KCNT1: variants seen among roughly 807,000 people sequenced by gnomAD.
KCNT1 encodes potassium sodium-activated channel subfamily T member 1, also known as potassium channel subfamily T member 1.
In KCNT1, 78 loss-of-function variants were observed where a neutral mutation model predicts 147.8. That is an observed-to-expected ratio of 0.53 (90% CI 0.44 to 0.64). The LOEUF is 0.64. KCNT1 is among the 30% of genes least tolerant of loss of function. KCNT1 has a pLI of 0.00. For synonymous variants in KCNT1, 867 were observed against 748.8 expected, an observed-to-expected ratio of 1.16 and a Z score of -2.58; for missense variants, 1,419 against 1,750.3, an observed-to-expected ratio of 0.81 and a Z score of 3.38.
chr9:135,778,908 C>T (rs1833377754), intron 23 of KCNT1, 86 bp downstream of exon 23: 1 of 1,498,322 alleles, frequency 6.7e-7, no homozygotes, highest in African/African-American at 1.4e-5. Context: ...CAGCCACGAC[C>T]ACGGGCCCTC....
intron 2 of KCNT1, among the ~76,000 whole-genome samples, chr9:135,716,540 C>T (rs188636089): frequency 1.3e-4 from 20 of 152,320 alleles, no homozygotes; most frequent in African/African-American, 2.9e-4. Flanking sequence ...CACTGTAATT[C>T]GAGAACATTT....
Position 135,721,733 on chromosome 9 carries a change from A to G in KCNT1, c.254+7013A>G, listed in dbSNP as rs192652170. 4.1e-3 allele frequency among the ~76,000 whole-genome samples: 619 copies of G among 152,318 alleles called. 23 individuals are homozygous for G. The highest frequency in any genetic ancestry group is 7.2e-4 in the Non-Finnish European group (49 of 68,032). ...ACGGTGTCCTGAGTGAGTGAAATGC[A>G]TGTCATGATTTCTCCAGTCCCTTTC... On this transcript the variant is annotated intron_variant, in intron 2 of 30. Coordinates refer to ENST00000371757, the MANE Select transcript of KCNT1 (RefSeq NM_020822.3).
At chr9:135,734,027 C>T (rs1344437472) in intron 2 of KCNT1, among the ~76,000 whole-genome samples, 1 of 152,096 alleles carries the variant, frequency 6.6e-6, no homozygotes, top group Non-Finnish European at 1.5e-5. Context: ...GGTCCCCTGT[C>T]CTCTGTCCAG....
At chr9:135,758,707 G>A (rs766346611) in intron 10 of KCNT1, among the ~76,000 whole-genome samples, 199 bp downstream of exon 10, 3 of 152,214 alleles carry the variant, frequency 2.0e-5, no homozygotes, top group Non-Finnish European at 4.4e-5. Flanking sequence ...CCCAGTACAC[G>A]AGCAGCCCTG....
At chr9:135,750,420 G>A (rs941042187) in intron 3 of KCNT1, 24 of 565,960 alleles carry the variant, frequency 4.2e-5, no homozygotes, top group African/African-American at 5.6e-5. Flanking sequence ...AGCGGGACTC[G>A]TGGGGACACC....
At chr9:135,709,070 T>G (rs151083760) in intron 1 of KCNT1, among the ~76,000 whole-genome samples, 70 of 152,290 alleles carry the variant, frequency 4.6e-4, no homozygotes, top group African/African-American at 1.4e-3. Flanking sequence ...GCACAATGGG[T>G]GAGACGCTGC....
At chr9:135,747,482 G>GC (rs1320201587) in intron 2 of KCNT1, among the ~76,000 whole-genome samples, 7 of 152,098 alleles carry the variant, frequency 4.6e-5, no homozygotes, top group Non-Finnish European at 7.4e-5. Context: ...AGCCCTGCCT[G>GC]CCCCCCTGAC....
chr9:135,737,643 A>G (rs1257253056), intron 2 of KCNT1, among the ~76,000 whole-genome samples: 1 of 152,128 alleles, frequency 6.6e-6, no homozygotes, highest in Non-Finnish European at 1.5e-5. Context: ...GGGGCCTTCC[A>G]GGTAGCGGAA....
chr9:135,777,536 C>G, intron 21 of KCNT1, 26 bp downstream of exon 21: 1 of 1,600,420 alleles, frequency 6.2e-7, no homozygotes, highest in Non-Finnish European at 8.5e-7. Flanking sequence ...CTCAGCCCAC[C>G]CCGCCCACCC....
chr9:135,754,064 C>T (rs1831343448), intron 5 of KCNT1, 71 bp downstream of exon 5: 2 of 1,301,290 alleles, frequency 1.5e-6, no homozygotes, highest in Non-Finnish European at 2.2e-6. Context: ...TGGGATGAGT[C>T]TCCACTCCAG....
chr9:135,751,034 A>G lies in KCNT1; in HGVS notation c.427A>G (p.Ile143Val). Reference protein sequence around the residue: ...RVLLDDPALGIGCWGCPKQNY... With the variant: ...RVLLDDPALGVGCWGCPKQNY... ...CCTGCTCGATGACCCGGCCCTGGGC[A>G]TCGGATGGTGGGCCACGTGCGCGGC... The change falls in exon 4 of 31, where the codon ATC becomes GTC. Residue 143 changes from isoleucine (I) to valine (V), a missense_variant. Physicochemically the swap from Ile to Val is conservative, Grantham distance 29. This residue lies in a region of KCNT1 where 401 missense variants were observed against 610.6 expected (regional missense o/e 0.66). Coordinates refer to ENST00000371757, the MANE Select transcript of KCNT1 (RefSeq NM_020822.3). 1 of 1,610,834 alleles carries G rather than the reference A, an allele frequency of 6.2e-7. No individual in the cohort carries two copies. Among genetic ancestry groups the G allele is most frequent in the Non-Finnish European group, 8.5e-7 (1 of 1,179,696 alleles).
At chr9:135,709,267 G>A (rs188965909) in intron 1 of KCNT1, among the ~76,000 whole-genome samples, 5 of 152,136 alleles carry the variant, frequency 3.3e-5, no homozygotes, top group Middle Eastern at 3.2e-3. Flanking sequence ...GCATCCACAC[G>A]GGCTCACGCA....
At chr9:135,736,712 C>G (rs1014352531) in intron 2 of KCNT1, 4 of 363,538 alleles carry the variant, frequency 1.1e-5, no homozygotes, top group African/African-American at 8.5e-5. Context: ...GCCGCAGCCC[C>G]CGAGGAGCCT....
rs749733462 is a variant in KCNT1 at position 135,792,057 on chromosome 9, G to C, written c.3604G>C (p.Asp1202His). 1.2e-6 allele frequency: 2 copies of C among 1,604,148 alleles called. No individual in the cohort carries two copies. The highest frequency in any genetic ancestry group is 1.7e-6 in the Non-Finnish European group (2 of 1,179,736). ...CTCCCGCAGCTATCTCATCCGCTCC[G>C]ACCCCCTGGCTCACGTGGCCAGCAG... ...PSDIVYLIRS[D>H]PLAHVASSSQ... Residue 1202 changes from aspartate (D) to histidine (H), a missense_variant, in exon 31 of 31, where the codon GAC becomes CAC. By Grantham distance (81) the Asp-to-His change is moderately conservative (BLOSUM62 -1). Transcript: ENST00000371757.
intron 1 of KCNT1, among the ~76,000 whole-genome samples, chr9:135,709,542 C>G (rs1406870964): frequency 2.0e-5 from 3 of 152,182 alleles, no homozygotes; most frequent in Admixed American, 6.5e-5. Context: ...TTGCAGAACC[C>G]CCCGTTCTGT....
chr9:135,745,577 G>A (rs61492499), intron 2 of KCNT1, among the ~76,000 whole-genome samples: 4,232 of 152,322 alleles, frequency 0.028, 185 homozygotes, highest in African/African-American at 0.097. Flanking sequence ...CCTCTCAATG[G>A]AGCCTGTGAG....
chr9:135,712,297 A>G (rs1835534253), intron 1 of KCNT1, among the ~76,000 whole-genome samples: 1 of 152,244 alleles, frequency 6.6e-6, no homozygotes, highest in Non-Finnish European at 1.5e-5. Flanking sequence ...AAGCCACCAA[A>G]CACAGAATTC....
chr9:135,720,090 C>G (rs144613044), intron 2 of KCNT1, among the ~76,000 whole-genome samples: 1 of 152,248 alleles, frequency 6.6e-6, no homozygotes, highest in East Asian at 1.9e-4. Flanking sequence ...CAGGCAGCAA[C>G]TGTGGATGGG....
chr9:135,728,615 CA>C (rs1459629848), intron 2 of KCNT1, among the ~76,000 whole-genome samples: 1 of 152,226 alleles, frequency 6.6e-6, no homozygotes, highest in Non-Finnish European at 1.5e-5. Flanking sequence ...CACGGAGGGG[CA>C]GAGAGCCGGG....
Sources: allele counts gnomAD v4.1 joint callset (sites outside exome capture counted in the v4.1 genomes callset), GRCh38; gene constraint gnomAD v4.1.1; regional missense constraint gnomAD v4.1.1; transcripts MANE v1.5; gene names NCBI Gene and HGNC (gene_info 2026-07-23, HGNC 2026-07-21).